The following DLG2 variants were observed in gnomAD, a reference collection of about 807,000 sequenced individuals.
DLG2 encodes disks large homolog 2.
A neutral mutation model predicts 132.5 loss-of-function variants in DLG2; 45 were observed. That is an observed-to-expected ratio of 0.34 (90% confidence interval 0.27 to 0.44). The LOEUF (loss-of-function observed/expected upper bound fraction) is 0.44, where lower values mean the gene tolerates loss of function less well. Ranked by LOEUF, DLG2 falls within the 20% of genes least tolerant of loss-of-function variation. The pLI, the probability that DLG2 is intolerant of heterozygous loss-of-function variation, is 1.00. For missense variants in DLG2, 1,045 were observed against 1,196.9 expected, an observed-to-expected ratio of 0.87 and a Z score of 1.87; for synonymous variants, 424 against 419.6, an observed-to-expected ratio of 1.01 and a Z score of -0.13.
chr11:84,032,499 T>G (rs182261992), intron 11 of DLG2, among the ~76,000 whole-genome samples: 135 of 152,308 alleles, frequency 8.9e-4, no homozygotes, highest in African/African-American at 3.1e-3. Flanking sequence ...AAGAGAAGTT[T>G]GAAGCTAGCA....
chr11:85,041,982 G>A (rs757956153), intron 6 of DLG2, among the ~76,000 whole-genome samples: 13 of 151,684 alleles, frequency 8.6e-5, no homozygotes, highest in Non-Finnish European at 1.6e-4. Context: ...TGGGTACAAC[G>A]TACACTATTC....
chr11:85,274,445 C>T (rs999921306), intron 4 of DLG2, among the ~76,000 whole-genome samples: 1 of 152,176 alleles, frequency 6.6e-6, no homozygotes, highest in African/African-American at 2.4e-5. Flanking sequence ...ACTTTCACAA[C>T]AGTATCCAAC....
chr11:84,912,413 C>T (rs2092157301), intron 6 of DLG2, among the ~76,000 whole-genome samples: 1 of 152,202 alleles, frequency 6.6e-6, no homozygotes, highest in South Asian at 2.1e-4. Flanking sequence ...GCCTGGGCCT[C>T]CCAAAGTGCT....
chr11:84,166,113 C>T (rs1371394345), intron 8 of DLG2, among the ~76,000 whole-genome samples: 1 of 152,154 alleles, frequency 6.6e-6, no homozygotes, highest in Admixed American at 6.5e-5. Context: ...TCTCTCATTA[C>T]AGGGAGAGTG....
At chr11:83,882,268 A>C (rs1018438417) in intron 15 of DLG2, among the ~76,000 whole-genome samples, 8 of 151,968 alleles carry the variant, frequency 5.3e-5, no homozygotes, top group Non-Finnish European at 1.0e-4. Context: ...CCTCACATAT[A>C]AAAAAAAGAT....
At chr11:83,696,716 C>T (rs191084622) in intron 18 of DLG2, among the ~76,000 whole-genome samples, 10 of 152,202 alleles carry the variant, frequency 6.6e-5, no homozygotes, top group Admixed American at 3.9e-4. Flanking sequence ...TTCAATTAAA[C>T]AAATATTGAG....
At chr11:84,900,181 A>C (rs1234194681) in intron 6 of DLG2, among the ~76,000 whole-genome samples, 2 of 152,072 alleles carry the variant, frequency 1.3e-5, no homozygotes, top group Non-Finnish European at 2.9e-5. Context: ...TACATTACTG[A>C]AACTTTTCTT....
intron 3 of DLG2, among the ~76,000 whole-genome samples, chr11:85,511,953 C>A (rs778360106): frequency 1.3e-5 from 2 of 151,866 alleles, no homozygotes; most frequent in Non-Finnish European, 2.9e-5. Flanking sequence ...GGCTGGTAAA[C>A]CTTTGAAGCT....
intron 18 of DLG2, among the ~76,000 whole-genome samples, chr11:83,687,844 C>CA (rs2080086578): frequency 1.3e-5 from 2 of 151,844 alleles, no homozygotes; most frequent in South Asian, 4.2e-4. Flanking sequence ...AACAAACAAA[C>CA]AAAAAATACC....
chr11:84,000,622 T>C (rs922036093), intron 11 of DLG2, among the ~76,000 whole-genome samples: 3 of 152,058 alleles, frequency 2.0e-5, no homozygotes, highest in African/African-American at 7.2e-5. Flanking sequence ...ATCAAAAGTG[T>C]CTAGTCACCT....
intron 18 of DLG2, among the ~76,000 whole-genome samples, chr11:83,692,454 AATAG>A (rs1182140103): frequency 6.6e-6 from 1 of 152,194 alleles, no homozygotes; most frequent in Admixed American, 6.5e-5. Context: ...ATAGATGGAA[AATAG>A]ATTGATGGTG....
At chr11:84,597,616 G>A (rs565683221) in intron 6 of DLG2, among the ~76,000 whole-genome samples, 1 of 152,282 alleles carries the variant, frequency 6.6e-6, no homozygotes, top group South Asian at 2.1e-4. Context: ...AAGATGATAT[G>A]GCAGTGGCAA....
At chr11:83,730,834 G>A (rs1157696836) in intron 18 of DLG2, among the ~76,000 whole-genome samples, 2 of 152,058 alleles carry the variant, frequency 1.3e-5, no homozygotes, top group Admixed American at 1.3e-4. Flanking sequence ...CCTGGTTGTC[G>A]CCCATGTGTA....
intron 7 of DLG2, among the ~76,000 whole-genome samples, chr11:84,450,552 A>G (rs1398345183): frequency 6.6e-6 from 1 of 151,748 alleles, no homozygotes. Context: ...CATGACAAAC[A>G]TGGTCAGATT....
intron 6 of DLG2, among the ~76,000 whole-genome samples, chr11:84,989,097 T>A (rs185334841): frequency 6.6e-6 from 1 of 152,264 alleles, no homozygotes. Flanking sequence ...TATTTACAAC[T>A]GCTCAAAAAA....
intron 6 of DLG2, among the ~76,000 whole-genome samples, chr11:85,099,111 C>T (rs780319471): frequency 1.3e-5 from 2 of 152,198 alleles, no homozygotes; most frequent in African/African-American, 4.8e-5. Flanking sequence ...AAGTTTTCTT[C>T]GGGCCAAAGT....
At chr11:83,633,070 C>A in intron 19 of DLG2, 141 bp downstream of exon 19, 1 of 660,374 alleles carries the variant, frequency 1.5e-6, no homozygotes. Flanking sequence ...ATTCCAAATG[C>A]TTAAACACAA....
intron 6 of DLG2, among the ~76,000 whole-genome samples, chr11:84,849,844 G>A (rs142733765): frequency 6.6e-6 from 1 of 152,158 alleles, no homozygotes; most frequent in Non-Finnish European, 1.5e-5. Context: ...ACTGCTGTGT[G>A]TCCCCACTTC....
intron 2 of DLG2, among the ~76,000 whole-genome samples, chr11:85,620,602 G>A (rs1049491895): frequency 3.9e-5 from 6 of 152,320 alleles, no homozygotes; most frequent in Admixed American, 1.3e-4. Context: ...AGAGAGACAC[G>A]CTTACTGTTG....
Sources: gnomAD v4.1 joint callset for allele counts (sites outside exome capture counted in the v4.1 genomes callset) on GRCh38, gnomAD v4.1.1 for gene constraint, MANE v1.5 for transcripts, NCBI Gene and HGNC (gene_info 2026-07-23, HGNC 2026-07-21) for gene names.